Variants in RNF150 observed in about 807,000 individuals in gnomAD.
RNF150 encodes ring finger protein 150.
Under a neutral mutation model 39.3 loss-of-function variants are expected in RNF150, and 24 were observed. That is an observed-to-expected ratio of 0.61 (90% CI 0.44 to 0.86). The LOEUF (loss-of-function observed/expected upper bound fraction) is 0.86, where lower values mean the gene tolerates loss of function less well. RNF150 is among the 40% of genes least tolerant of loss of function. RNF150 has a pLI of 0.00. For synonymous variants in RNF150, 255 were observed against 227.3 expected (o/e 1.12, Z -1.10); for missense variants, 502 against 587.8 (o/e 0.85, Z 1.51).
chr4:141,132,611 C>A lies in RNF150; in HGVS notation c.198G>T (p.Glu66Asp). 1 of 1,536,950 alleles carries A rather than the reference C, an allele frequency of 6.5e-7. No individual in the cohort carries two copies. Among genetic ancestry groups the A allele is most frequent in the Non-Finnish European group, 8.7e-7 (1 of 1,144,236 alleles). ...GAGAAGGGGA[E>D]LHTEKTECGR... is the part of the protein sequence containing the mutation. Reference sequence around the variant, plus strand: ...CGCACTCCGTCTTCTCCGTGTGCAGCTCCGCGCCGCCGCCGCCCGCCGCCC... The same window carrying A: ...CGCACTCCGTCTTCTCCGTGTGCAGATCCGCGCCGCCGCCGCCCGCCGCCC... The change falls in exon 1 of 7, where the codon GAG (glutamate) becomes GAT (aspartate). Residue 66 changes from glutamate (E) to aspartate (D), a missense_variant. Coordinates refer to ENST00000515673, the MANE Select transcript of RNF150 (RefSeq NM_020724.2). The surrounding 1 kb of genome is among the most constrained non-coding windows in gnomAD (Gnocchi z 4.9).
intron 1 of RNF150, among the ~76,000 whole-genome samples, chr4:141,104,298 C>T (rs1739124554): frequency 6.6e-6 from 1 of 152,174 alleles, no homozygotes; most frequent in South Asian, 2.1e-4. Flanking sequence ...CAAGCATAAC[C>T]ATAAAGAGCC....
intron 1 of RNF150, among the ~76,000 whole-genome samples, chr4:141,191,331 C>T (rs1728106964): frequency 1.3e-5 from 2 of 152,210 alleles, no homozygotes; most frequent in South Asian, 4.1e-4. Context: ...TCTGAGACTC[C>T]TCCACTTGTC....
In RNF150 at chr4:140,910,819, A is replaced by T. The variant is rs575148026; in HGVS notation, c.1198+325T>A. ...TAGTTGCTCCCCTCACCTGCCCTCC[A>T]GTCTGAGAGGCTCCAGATCCATGAC... On this transcript the variant is annotated intron_variant, in intron 6 of 6. Coordinates refer to ENST00000515673, the MANE Select transcript of RNF150 (RefSeq NM_020724.2). Among the ~76,000 whole-genome samples the T allele has an allele frequency of 1.1e-4, 17 of 152,172 alleles. No individual in the cohort carries two copies. The East Asian group carries it at 3.1e-3, about 28-fold the overall frequency.
At chr4:141,125,196 T>C (rs1726717590) in intron 1 of RNF150, among the ~76,000 whole-genome samples, 1 of 152,182 alleles carries the variant, frequency 6.6e-6, no homozygotes, top group Admixed American at 6.5e-5. Context: ...TATCCTACCA[T>C]ACATTAAACA....
At chr4:140,959,880 G>A (rs775697593) in intron 2 of RNF150, among the ~76,000 whole-genome samples, 31 of 152,046 alleles carry the variant, frequency 2.0e-4, no homozygotes, top group Admixed American at 7.2e-4. Context: ...CCGTATTAGA[G>A]TATCTCAGGC....
chr4:140,918,087 C>A lies in RNF150; in HGVS notation c.988-6733G>T, dbSNP rs368024714. On this transcript the variant is annotated intron_variant, in intron 5 of 6. Coordinates refer to ENST00000515673, the MANE Select transcript of RNF150 (RefSeq NM_020724.2). ...AGCACTAAATGCCCACAAGAGAAAG[C>A]AGGCAAGATCCAAAATTGACACCCT... Among the ~76,000 whole-genome samples, 16 of 152,024 alleles carry A rather than the reference C, an allele frequency of 1.1e-4. No homozygotes were observed. The South Asian group carries it at 1.9e-3, about 18-fold the overall frequency.
At chr4:141,021,411 T>C (rs1735487098) in intron 1 of RNF150, among the ~76,000 whole-genome samples, 1 of 152,232 alleles carries the variant, frequency 6.6e-6, no homozygotes, top group Non-Finnish European at 1.5e-5. Context: ...CCCTGTAGTC[T>C]GGCTTTGTTC....
intron 1 of RNF150, among the ~76,000 whole-genome samples, chr4:141,128,101 A>G (rs1726798379): frequency 6.6e-6 from 1 of 152,176 alleles, no homozygotes. Flanking sequence ...AGGGTAAATA[A>G]GGAGTTCTTT....
chr4:141,151,569 G>A (rs1284279133), intron 1 of RNF150, among the ~76,000 whole-genome samples: 1 of 151,606 alleles, frequency 6.6e-6, no homozygotes, highest in Non-Finnish European at 1.5e-5. Flanking sequence ...ATTTTGGCTA[G>A]GTTTATAGTA....
chr4:141,012,263 C>T (rs1226673406), intron 1 of RNF150, among the ~76,000 whole-genome samples: 2 of 152,306 alleles, frequency 1.3e-5, no homozygotes, highest in East Asian at 1.9e-4. Flanking sequence ...CCTGGGCAAG[C>T]GGAGGTGGAG....
At chr4:140,877,014 G>A in intron 6 of RNF150, among the ~76,000 whole-genome samples, 1 of 152,150 alleles carries the variant, frequency 6.6e-6, no homozygotes, top group African/African-American at 2.4e-5. Context: ...ATTTGGATTT[G>A]GTGAAGGAGA....
At chr4:141,195,548 G>A (rs917620069) in intron 1 of RNF150, among the ~76,000 whole-genome samples, 1 of 152,118 alleles carries the variant, frequency 6.6e-6, no homozygotes, top group African/African-American at 2.4e-5. Flanking sequence ...GTAGAAGGTT[G>A]GGGGATGTTG....
intron 1 of RNF150, among the ~76,000 whole-genome samples, chr4:141,165,242 A>G (rs1013487031): frequency 3.9e-5 from 6 of 152,188 alleles, no homozygotes; most frequent in Non-Finnish European, 5.9e-5. Context: ...CAACAAGAAG[A>G]GCTAACTACC....
In RNF150 at chr4:140,871,211, T is replaced by C. The variant is rs150892235; in HGVS notation, c.1199-2832A>G. ...GATGCATTAGAGTCCTTTCCAGTTG[T>C]TGTTTATGCATGTTTATGTGTTGAT... On this transcript the variant is annotated intron_variant, in intron 6 of 6. Coordinates refer to ENST00000515673, the MANE Select transcript of RNF150 (RefSeq NM_020724.2). Among the ~76,000 whole-genome samples the C allele has an allele frequency of 2.3e-3, 357 of 152,284 alleles. 2 individuals carry two copies. Among genetic ancestry groups the C allele is most frequent in the African/African-American group, 8.2e-3 (340 of 41,570 alleles).
In RNF150 at chr4:141,077,303, A is replaced by G. The variant is rs141790912; in HGVS notation, c.484+55022T>C. On this transcript the variant is annotated intron_variant, in intron 1 of 6. Coordinates refer to ENST00000515673, the MANE Select transcript of RNF150 (RefSeq NM_020724.2). ...CACAAACTATGGCACATCCATACAG[A>G]AAAATACTACTCCGGAGTGAACTGT... Among the ~76,000 whole-genome samples the G allele has an allele frequency of 2.4e-4, 36 of 152,318 alleles. No homozygotes were observed. The East Asian group carries it at 6.4e-3, about 27-fold the overall frequency.
chr4:141,046,952 C>A (rs1344660030), intron 1 of RNF150, among the ~76,000 whole-genome samples: 1 of 151,860 alleles, frequency 6.6e-6, no homozygotes, highest in African/African-American at 2.4e-5. Context: ...CCCGACACAC[C>A]AAAAGGAAAA....
intron 1 of RNF150, among the ~76,000 whole-genome samples, chr4:140,990,033 T>A (rs1465155550): frequency 2.0e-5 from 3 of 152,216 alleles, no homozygotes; most frequent in Non-Finnish European, 4.4e-5. Flanking sequence ...GTTTTCAGCA[T>A]CTATTTGAAA....
chr4:141,024,662 T>C (rs1195850473), intron 1 of RNF150, among the ~76,000 whole-genome samples: 1 of 152,130 alleles, frequency 6.6e-6, no homozygotes, highest in Non-Finnish European at 1.5e-5. Context: ...AGTGTGCGGG[T>C]GGCAATCCGG....
intron 5 of RNF150, among the ~76,000 whole-genome samples, chr4:140,915,168 G>A (rs1309091121): frequency 1.3e-5 from 2 of 152,188 alleles, no homozygotes; most frequent in Non-Finnish European, 2.9e-5. Flanking sequence ...GGAATGCAGA[G>A]ATGAAGCATG....
Sources: allele counts gnomAD v4.1 joint callset (sites outside exome capture counted in the v4.1 genomes callset), GRCh38; gene constraint gnomAD v4.1.1; non-coding constraint Gnocchi (gnomAD v3.1); transcripts MANE v1.5; gene names NCBI Gene and HGNC (gene_info 2026-07-23, HGNC 2026-07-21).